Variants in SEM1 observed in about 807,000 individuals in gnomAD.
SEM1 encodes the protein 26S proteasome complex subunit SEM1.
In SEM1, 3 loss-of-function variants were observed where a neutral mutation model predicts 12.7. That is an observed-to-expected ratio of 0.24 (90% CI 0.11 to 0.61). The LOEUF is 0.61. Among genes scored for constraint, SEM1 ranks in the 20% least tolerant of loss-of-function variants. SEM1 has a pLI of 0.88. For missense variants in SEM1, 59 were observed against 81.3 expected, an observed-to-expected ratio of 0.73 and a Z score of 1.06; for synonymous variants, 30 against 27.8, an observed-to-expected ratio of 1.08 and a Z score of -0.25.
At chr7:96,522,652 C>G (rs1425954218) in intron 2 of SEM1, among the ~76,000 whole-genome samples, 1 of 150,670 alleles carries the variant, frequency 6.6e-6, no homozygotes, top group Non-Finnish European at 1.5e-5. Context: ...CCAAGGCAGG[C>G]AGATCATCTG....
At chr7:96,678,597 A>G (rs1323208979) in intron 2 of SEM1, among the ~76,000 whole-genome samples, 2 of 152,104 alleles carry the variant, frequency 1.3e-5, no homozygotes, top group East Asian at 1.9e-4. Context: ...ATAAAAGTCA[A>G]ACTATTCTGA....
intron 2 of SEM1, among the ~76,000 whole-genome samples, chr7:96,626,910 G>A (rs1481117202): frequency 1.3e-5 from 2 of 152,034 alleles, no homozygotes; most frequent in African/African-American, 4.8e-5. Context: ...GAAGCCATTA[G>A]GTCCTGGGCT....
chr7:96,499,297 G>A (rs1264692347), upstream of SEM1, among the ~76,000 whole-genome samples: 1 of 152,104 alleles, frequency 6.6e-6, no homozygotes, highest in African/African-American at 2.4e-5. Context: ...CTGCAAGTAG[G>A]ATAGAAAGTC....
intron 2 of SEM1, among the ~76,000 whole-genome samples, chr7:96,521,933 C>A (rs1336032441): frequency 3.3e-5 from 5 of 151,830 alleles, no homozygotes; most frequent in Non-Finnish European, 1.5e-5. Flanking sequence ...TAGAGTTACC[C>A]CAAATTCAAG....
chr7:96,657,093 T>G (rs1320679236), intron 2 of SEM1, among the ~76,000 whole-genome samples: 5 of 152,128 alleles, frequency 3.3e-5, no homozygotes, highest in Non-Finnish European at 5.9e-5. Flanking sequence ...GTAAGAAAAT[T>G]TAAGTTGGAC....
At chr7:96,489,816 C>T (rs1454767991) in intron 1 of SEM1, among the ~76,000 whole-genome samples, 1 of 152,196 alleles carries the variant, frequency 6.6e-6, no homozygotes, top group Non-Finnish European at 1.5e-5. Flanking sequence ...TGCACATGGC[C>T]TCTGTGTATC....
intron 1 of SEM1, among the ~76,000 whole-genome samples, chr7:96,704,068 T>C (rs1193376684): frequency 2.6e-5 from 4 of 151,634 alleles, no homozygotes; most frequent in Admixed American, 2.0e-4. Context: ...ACTAGTTAAA[T>C]AGACTATTTA....
intron 1 of SEM1, among the ~76,000 whole-genome samples, chr7:96,488,742 T>A (rs1025343542): frequency 1.3e-5 from 2 of 152,178 alleles, no homozygotes; most frequent in African/African-American, 4.8e-5. Flanking sequence ...CAATTTCCAG[T>A]TACCCCATCC....
At chr7:96,516,101 A>G (rs1477663741) in intron 2 of SEM1, among the ~76,000 whole-genome samples, 1 of 152,084 alleles carries the variant, frequency 6.6e-6, no homozygotes, top group East Asian at 1.9e-4. Flanking sequence ...ATTACTCAAA[A>G]TGGATTTACA....
At chr7:96,523,592 A>C (rs1018897618) in intron 2 of SEM1, among the ~76,000 whole-genome samples, 1 of 152,078 alleles carries the variant, frequency 6.6e-6, no homozygotes, top group Non-Finnish European at 1.5e-5. Context: ...TGCGGTTCAG[A>C]CCATTAGCTT....
intron 2 of SEM1, among the ~76,000 whole-genome samples, chr7:96,599,448 C>T (rs550037848): frequency 1.1e-4 from 17 of 152,274 alleles, no homozygotes; most frequent in African/African-American, 4.1e-4. Flanking sequence ...CCTCTGTGTC[C>T]ATCTGCTTAT....
chr7:96,549,418 T>C (rs1318234914), intron 2 of SEM1, among the ~76,000 whole-genome samples: 2 of 152,196 alleles, frequency 1.3e-5, no homozygotes, highest in African/African-American at 4.8e-5. Flanking sequence ...CAATCAAGAA[T>C]GTCCAATAAC....
At chr7:96,559,836 T>A (rs1251547326) in intron 2 of SEM1, among the ~76,000 whole-genome samples, 1 of 152,122 alleles carries the variant, frequency 6.6e-6, no homozygotes, top group African/African-American at 2.4e-5. Flanking sequence ...GTGGAGGCAG[T>A]GACAAGCATG....
At chr7:96,705,594 G>A (rs1044931718) in intron 1 of SEM1, among the ~76,000 whole-genome samples, 3 of 152,094 alleles carry the variant, frequency 2.0e-5, no homozygotes, top group Non-Finnish European at 4.4e-5. Flanking sequence ...TTGGGAGGCC[G>A]AGGCGGGCGG....
chr7:96,688,808 T>G lies in SEM1; in HGVS notation c.*116A>C. 2 of 685,476 alleles carry G rather than the reference T, an allele frequency of 2.9e-6. No individual in the cohort carries two copies. The highest frequency in any genetic ancestry group is 5.5e-5 in the East Asian group (2 of 36,584). 42.5% of individuals were successfully genotyped at this position (685,476 alleles called of 1,614,324 possible). A position where few individuals can be genotyped will look rare whatever the true frequency, so the allele number is the denominator to read the frequency against. On this transcript the variant is annotated 3_prime_UTR_variant, in exon 3 of 3. Transcript: ENST00000248566. ...ATTTTTTGTGTTACAAAAACACAAA[T>G]AAATCCAAGCAGATAATGAAATAAA...
chr7:96,678,379 C>T (rs1789511105), intron 2 of SEM1, among the ~76,000 whole-genome samples: 1 of 152,078 alleles, frequency 6.6e-6, no homozygotes, highest in Non-Finnish European at 1.5e-5. Flanking sequence ...ACTCAGAAAA[C>T]TTAGGAAAAA....
intron 2 of SEM1, among the ~76,000 whole-genome samples, chr7:96,666,103 C>T (rs1789163057): frequency 6.6e-6 from 1 of 152,178 alleles, no homozygotes; most frequent in South Asian, 2.1e-4. Flanking sequence ...ACTTTAATTT[C>T]CCACTCTAGA....
At position 96,625,601 on chromosome 7, in the gene SEM1, A is replaced by G. The variant is rs1350855951; in HGVS notation, c.171-2958T>C. ...TTAGGATCTAAGCTACAAGGCTGAA[A>G]CCCCTTGTGGAAGCAGTGCTACTAA... is the stretch of plus-strand genomic sequence containing the variant. On this transcript the variant is annotated intron_variant, in intron 2 of 2. Transcript: ENST00000417009. Among the ~76,000 whole-genome samples, 3 of 152,166 alleles carry G rather than the reference A, an allele frequency of 2.0e-5. No individual in the cohort carries two copies. In the East Asian group the frequency reaches 5.8e-4, roughly 29 times the overall value.
intron 2 of SEM1, among the ~76,000 whole-genome samples, chr7:96,553,247 T>C (rs1235786003): frequency 4.6e-5 from 7 of 150,966 alleles, no homozygotes; most frequent in Non-Finnish European, 1.0e-4. Context: ...GCTTTTGGTG[T>C]TTTAGACATG....
Sources: gnomAD v4.1 joint callset for allele counts (sites outside exome capture counted in the v4.1 genomes callset) on GRCh38, gnomAD v4.1.1 for gene constraint, MANE v1.5 for transcripts, NCBI Gene and HGNC (gene_info 2026-07-23, HGNC 2026-07-21) for gene names.